Variants in SIK2 observed in about 807,000 individuals in gnomAD.
SIK2 encodes serine/threonine-protein kinase SIK2.
SIK2 carries 29 observed loss-of-function variants against 103.2 expected under a neutral mutation model. That is an observed-to-expected ratio of 0.28 (90% CI 0.21 to 0.38). The LOEUF is 0.38. Among genes scored for constraint, SIK2 ranks in the 10% least tolerant of loss-of-function variants. The pLI, the probability that SIK2 is intolerant of heterozygous loss-of-function variation, is 1.00. For synonymous variants in SIK2, 412 were observed against 446.1 expected (o/e 0.92, Z 0.96); for missense variants, 879 against 1,171.0 (o/e 0.75, Z 3.64).
At chr11:111,643,485 T>A (rs1338000056) in intron 3 of SIK2, among the ~76,000 whole-genome samples, 1 of 151,998 alleles carries the variant, frequency 6.6e-6, no homozygotes, top group African/African-American at 2.4e-5. Context: ...AAGTTAATTA[T>A]ATTTGAAAAT....
chr11:111,630,765 A>G (rs1218862459), intron 3 of SIK2, among the ~76,000 whole-genome samples: 2 of 152,186 alleles, frequency 1.3e-5, no homozygotes, highest in Admixed American at 1.3e-4. Flanking sequence ...CAGTCACTTC[A>G]AAGAAAGTAC....
chr11:111,708,418 CATTATT>C (rs1943409963), intron 8 of SIK2, among the ~76,000 whole-genome samples: 1 of 151,936 alleles, frequency 6.6e-6, no homozygotes, highest in Non-Finnish European at 1.5e-5. Context: ...ATAAAGTACT[CATTATT>C]ATTATTTAGA....
chr11:111,649,433 A>G (rs1389282409), intron 3 of SIK2, among the ~76,000 whole-genome samples: 1 of 152,180 alleles, frequency 6.6e-6, no homozygotes, highest in African/African-American at 2.4e-5. Flanking sequence ...TGAATATAGT[A>G]TAAAGTTTTT....
At chr11:111,699,262 C>T (rs1484476563) in intron 4 of SIK2, among the ~76,000 whole-genome samples, 1 of 152,192 alleles carries the variant, frequency 6.6e-6, no homozygotes, top group African/African-American at 2.4e-5. Flanking sequence ...ATCTGAAGCT[C>T]TTTCCCCAGA....
At chr11:111,614,629 G>A (rs960142743) in intron 1 of SIK2, among the ~76,000 whole-genome samples, 1 of 152,176 alleles carries the variant, frequency 6.6e-6, no homozygotes, top group Non-Finnish European at 1.5e-5. Flanking sequence ...CTGAGGAGGA[G>A]GAGAAAGAAG....
At chr11:111,718,106 C>T (rs903491816) in intron 9 of SIK2, among the ~76,000 whole-genome samples, 3 of 152,188 alleles carry the variant, frequency 2.0e-5, no homozygotes, top group Non-Finnish European at 4.4e-5. Flanking sequence ...GCTTATATGG[C>T]TTATCCTATA....
intron 3 of SIK2, among the ~76,000 whole-genome samples, chr11:111,641,333 G>T (rs1407565308): frequency 6.6e-6 from 1 of 152,124 alleles, no homozygotes; most frequent in African/African-American, 2.4e-5. Context: ...TTGTTGAAAA[G>T]AAAATTACAA....
At chr11:111,687,546 C>G (rs1261407063) in intron 3 of SIK2, among the ~76,000 whole-genome samples, 1 of 150,090 alleles carries the variant, frequency 6.7e-6, no homozygotes, top group Non-Finnish European at 1.5e-5. Flanking sequence ...AATACTTCTT[C>G]AAAGTCAAGA....
intron 7 of SIK2, among the ~76,000 whole-genome samples, chr11:111,703,938 C>A (rs1233154240): frequency 6.6e-6 from 1 of 152,150 alleles, no homozygotes; most frequent in East Asian, 1.9e-4. Flanking sequence ...CTGGAAAATT[C>A]CTCTTGGCTT....
intron 3 of SIK2, among the ~76,000 whole-genome samples, chr11:111,621,511 A>C (rs377452662): frequency 2.6e-4 from 40 of 152,280 alleles, no homozygotes; most frequent in African/African-American, 9.4e-4. Flanking sequence ...CTATTGATAG[A>C]CATTTGGGTT....
At chr11:111,714,656 G>C (rs1488441581) in intron 9 of SIK2, among the ~76,000 whole-genome samples, 1 of 152,192 alleles carries the variant, frequency 6.6e-6, no homozygotes, top group East Asian at 1.9e-4. Flanking sequence ...GATGGAGGGT[G>C]AGAGCCATTT....
intron 3 of SIK2, among the ~76,000 whole-genome samples, chr11:111,629,456 G>T (rs1032132013): frequency 8.5e-5 from 13 of 152,194 alleles, no homozygotes; most frequent in Non-Finnish European, 1.5e-4. Context: ...AAACATGATT[G>T]AAGAATACTG....
chr11:111,620,436 GA>G (rs780251125), intron 3 of SIK2, 34 bp downstream of exon 3: 5 of 1,416,208 alleles, frequency 3.5e-6, no homozygotes. Flanking sequence ...CTATTAATTT[GA>G]AAAATTCACT....
chr11:111,668,574 G>A (rs928700145), intron 3 of SIK2, among the ~76,000 whole-genome samples: 1 of 152,104 alleles, frequency 6.6e-6, no homozygotes, highest in Non-Finnish European at 1.5e-5. Context: ...CATCTATTTT[G>A]ATCAAATTAA....
intron 7 of SIK2, 63 bp from the exon 8 acceptor site, chr11:111,704,924 A>G (rs1943305770): frequency 6.7e-7 from 1 of 1,484,614 alleles, no homozygotes; most frequent in Non-Finnish European, 9.0e-7. Context: ...TTTTTTAGGC[A>G]TGTGTAGATC....
At chr11:111,637,535 T>A (rs1253331666) in intron 3 of SIK2, among the ~76,000 whole-genome samples, 1 of 150,080 alleles carries the variant, frequency 6.7e-6, no homozygotes, top group African/African-American at 2.5e-5. Context: ...TCTTGGCTCA[T>A]TGCAACCTCT....
At chr11:111,606,389 A>T (rs920051615) in intron 1 of SIK2, among the ~76,000 whole-genome samples, 1 of 152,114 alleles carries the variant, frequency 6.6e-6, no homozygotes, top group African/African-American at 2.4e-5. Context: ...CATTCTTAAC[A>T]TTATGGCACT....
Position 111,602,468 on chromosome 11 carries a change from G to A in SIK2, c.-96G>A. The A allele has an allele frequency of 2.3e-6, 3 of 1,309,662 alleles. No homozygotes were observed. The highest frequency in any genetic ancestry group is 3.0e-6 in the Non-Finnish European group (3 of 1,011,186). The allele number at this position is 1,309,662 out of a possible 1,614,324, so 81.1% of individuals were successfully genotyped here. A position where few individuals can be genotyped will look rare whatever the true frequency, so the allele number is the denominator to read the frequency against. ...GGAGGGAAGGAGCGAAGGAGCGAAG[G>A]AGCAAGCGGAGCGGCCGTCGCCCAA... On this transcript the variant is annotated 5_prime_UTR_variant, in exon 1 of 15. Coordinates refer to ENST00000304987, the MANE Select transcript of SIK2 (RefSeq NM_015191.3). This position sits in a 1 kb window ranked among gnomAD's most constrained non-coding sequence, Gnocchi z 4.5.
At chr11:111,635,182 A>T (rs1942090401) in intron 3 of SIK2, among the ~76,000 whole-genome samples, 1 of 152,044 alleles carries the variant, frequency 6.6e-6, no homozygotes, top group Admixed American at 6.6e-5. Context: ...GTCGGACATT[A>T]AAAGAAAAGT....
Sources: gnomAD v4.1 joint callset for allele counts (sites outside exome capture counted in the v4.1 genomes callset) on GRCh38, gnomAD v4.1.1 for gene constraint, Gnocchi (gnomAD v3.1) non-coding constraint, MANE v1.5 for transcripts, NCBI Gene and HGNC (gene_info 2026-07-23, HGNC 2026-07-21) for gene names.